The following ATG7 variants were observed in gnomAD, a reference collection of about 807,000 sequenced individuals.
ATG7 encodes autophagy related 7.
In ATG7, 70 loss-of-function variants were observed where a neutral mutation model predicts 82.4. The ratio of observed to expected loss-of-function variants is 0.85; its 90% CI spans 0.70 to 1.04. The LOEUF is 1.04. Among genes scored for constraint, ATG7 ranks in the 50% least tolerant of loss-of-function variants. ATG7 has a pLI of 0.00. For synonymous variants in ATG7, 287 were observed against 313.0 expected, an observed-to-expected ratio of 0.92 and a Z score of 0.88; for missense variants, 792 against 864.3, an observed-to-expected ratio of 0.92 and a Z score of 1.05.
At chr3:11,307,183 G>A (rs1270867153) in intron 6 of ATG7, 123 bp downstream of exon 6, 1 of 861,786 alleles carries the variant, frequency 1.2e-6, no homozygotes, top group Admixed American at 2.0e-5. Flanking sequence ...AAAGACACTT[G>A]TGGGCTTTGG....
intron 20 of ATG7, among the ~76,000 whole-genome samples, chr3:11,465,464 C>G (rs1211858467): frequency 2.0e-5 from 3 of 147,400 alleles, no homozygotes; most frequent in East Asian, 2.0e-4. Context: ...AAAAAATGAG[C>G]CTGTAAGTCT....
chr3:11,450,651 G>C (rs146299050), intron 20 of ATG7, among the ~76,000 whole-genome samples: 291 of 152,302 alleles, frequency 1.9e-3, no homozygotes, highest in African/African-American at 6.4e-3. Context: ...CTGCTCTTCT[G>C]AGGGACCATC....
At chr3:11,291,848 G>A (rs1284330448) in intron 3 of ATG7, among the ~76,000 whole-genome samples, 1 of 152,158 alleles carries the variant, frequency 6.6e-6, no homozygotes, top group Non-Finnish European at 1.5e-5. Flanking sequence ...AGAGGGGAAA[G>A]GTTTCCTAGG....
the ATG7 span, among the ~76,000 whole-genome samples, chr3:11,576,109 G>A: frequency 6.6e-6 from 1 of 152,228 alleles, no homozygotes. Context: ...CTGAGAACAT[G>A]ACCGGTAAAG....
At chr3:11,420,927 T>C (rs2081887864) in intron 19 of ATG7, among the ~76,000 whole-genome samples, 1 of 152,078 alleles carries the variant, frequency 6.6e-6, no homozygotes, top group Admixed American at 6.5e-5. Context: ...GGCTAATTTT[T>C]TGTATTTTTA....
intron 19 of ATG7, among the ~76,000 whole-genome samples, chr3:11,380,875 G>C (rs2077844525): frequency 6.6e-6 from 1 of 152,142 alleles, no homozygotes; most frequent in Non-Finnish European, 1.5e-5. Context: ...TCGTCTGTCT[G>C]CCACTGTGGA....
chr3:11,504,766 G>A (rs1472966831), intron 20 of ATG7, among the ~76,000 whole-genome samples: 1 of 152,140 alleles, frequency 6.6e-6, no homozygotes, highest in East Asian at 1.9e-4. Context: ...GTACAAGAAA[G>A]AATAAGTAAT....
At chr3:11,551,066 C>T (rs1261322081) in intron 20 of ATG7, among the ~76,000 whole-genome samples, 1 of 152,152 alleles carries the variant, frequency 6.6e-6, no homozygotes, top group Non-Finnish European at 1.5e-5. Context: ...TCTATCTTTT[C>T]GTAATGAGCC....
At chr3:11,360,257 G>T (rs2076204035) in intron 15 of ATG7, among the ~76,000 whole-genome samples, 1 of 152,174 alleles carries the variant, frequency 6.6e-6, no homozygotes, top group Non-Finnish European at 1.5e-5. Context: ...ATGTTGCCAG[G>T]CTGGTCTCGA....
chr3:11,360,791 G>T lies in ATG7; in HGVS notation c.1683+7G>T. On this transcript the variant is annotated splice_region_variant and intron_variant, in intron 16 of 20. Coordinates refer to ENST00000693202, the MANE Select transcript of ATG7 (RefSeq NM_001349232.2). ...TGTGGTGGCCCCAGGAGATGTAAGT[G>T]GATTTCTCTATAGTTCCAAATATTT... The T allele has an allele frequency of 6.2e-7, 1 of 1,613,888 alleles. No individual in the cohort carries two copies. The highest frequency in any genetic ancestry group is 8.5e-7 in the Non-Finnish European group (1 of 1,179,846).
Position 11,334,524 on chromosome 3 carries a change from A to G in ATG7, c.889+1431A>G, listed in dbSNP as rs929731825. On this transcript the variant is annotated intron_variant, in intron 11 of 20. Coordinates refer to ENST00000693202, the MANE Select transcript of ATG7 (RefSeq NM_001349232.2). Reference sequence around the variant, plus strand: ...CTCCCAAAGTGCTGGGATTACAGGCATGAGTCACTGAGCCTGGCCTCATAT... The same window carrying G: ...CTCCCAAAGTGCTGGGATTACAGGCGTGAGTCACTGAGCCTGGCCTCATAT... Among the ~76,000 whole-genome samples the G allele has an allele frequency of 6.6e-5, 10 of 150,932 alleles. No individual in the cohort carries two copies. The East Asian group carries it at 2.0e-3, about 31-fold the overall frequency.
chr3:11,282,643 G>A (rs948551569), intron 3 of ATG7, among the ~76,000 whole-genome samples: 1 of 152,160 alleles, frequency 6.6e-6, no homozygotes, highest in African/African-American at 2.4e-5. Context: ...GTACCCAGCT[G>A]GTTTCCCTGT....
chr3:11,384,366 C>T (rs2078152322), intron 19 of ATG7, among the ~76,000 whole-genome samples: 1 of 152,196 alleles, frequency 6.6e-6, no homozygotes, highest in African/African-American at 2.4e-5. Context: ...GCCCAGAAAC[C>T]TGATCTTGAG....
intron 20 of ATG7, among the ~76,000 whole-genome samples, chr3:11,433,568 A>T (rs2083104188): frequency 6.6e-6 from 1 of 152,232 alleles, no homozygotes; most frequent in Non-Finnish European, 1.5e-5. Flanking sequence ...AGAACAAGCT[A>T]TATTGGTATA....
intron 3 of ATG7, among the ~76,000 whole-genome samples, chr3:11,292,557 G>C (rs1435928577): frequency 2.0e-5 from 3 of 151,184 alleles, no homozygotes; most frequent in Non-Finnish European, 4.4e-5. Context: ...ACCACACCCA[G>C]CCTCCTTGTG....
chr3:11,309,323 G>A (rs530158926), intron 7 of ATG7, among the ~76,000 whole-genome samples: 1 of 152,308 alleles, frequency 6.6e-6, no homozygotes, highest in East Asian at 1.9e-4. Context: ...GTCAGGTTCA[G>A]GGAATGTGGT....
intron 20 of ATG7, among the ~76,000 whole-genome samples, chr3:11,489,993 C>G (rs915679541): frequency 1.3e-5 from 2 of 151,896 alleles, no homozygotes; most frequent in African/African-American, 4.8e-5. Context: ...TCTATTAGGT[C>G]CGCTTGGTGC....
chr3:11,364,725 G>C lies in ATG7; in HGVS notation c.1866G>C (p.Val622=). Residue 622 remains valine (V), a synonymous_variant, in exon 18 of 21, where the codon GTG becomes GTC. Coordinates refer to ENST00000693202, the MANE Select transcript of ATG7 (RefSeq NM_001349232.2). The part of the protein sequence containing the change: ...MNEPPTSLGL[V]PHQIRGFLSR... ...AGCCTCCAACCTCTCTTGGGCTTGTGCCTCACCAGGTTAGTGATGTGGAAG... is the reference window on the plus strand; with the variant it reads ...AGCCTCCAACCTCTCTTGGGCTTGTCCCTCACCAGGTTAGTGATGTGGAAG... 1 of 1,614,106 alleles carries C rather than the reference G, an allele frequency of 6.2e-7. No individual in the cohort carries two copies. The highest frequency in any genetic ancestry group is 2.2e-5 in the East Asian group (1 of 44,882).
chr3:11,383,894 T>C (rs2078114895), intron 19 of ATG7, among the ~76,000 whole-genome samples: 1 of 152,192 alleles, frequency 6.6e-6, no homozygotes, highest in Non-Finnish European at 1.5e-5. Flanking sequence ...AGGTAAAATT[T>C]ATATATGGTG....
Sources: allele counts gnomAD v4.1 joint callset (sites outside exome capture counted in the v4.1 genomes callset), GRCh38; gene constraint gnomAD v4.1.1; transcripts MANE v1.5; gene names NCBI Gene and HGNC (gene_info 2026-07-23, HGNC 2026-07-21).